Variants in CNTN1 observed in about 807,000 individuals in gnomAD.
The protein encoded by CNTN1 is contactin 1.
In CNTN1, 38 loss-of-function variants were observed where a neutral mutation model predicts 126.4. The observed-to-expected ratio is 0.30, with a 90% CI of 0.23 to 0.39. The LOEUF is 0.39. CNTN1 is among the 10% of genes least tolerant of loss of function. The pLI is 1.00. For synonymous variants in CNTN1, 413 were observed against 422.6 expected, an observed-to-expected ratio of 0.98 and a Z score of 0.28; for missense variants, 1,009 against 1,248.4, an observed-to-expected ratio of 0.81 and a Z score of 2.89.
intron 15 of CNTN1, chr12:40,971,640 C>T: frequency 1.4e-6 from 2 of 1,478,192 alleles, no homozygotes; most frequent in East Asian, 2.5e-5. Context: ...GAGTATGTTT[C>T]CCCTTTTGAA....
intron 1 of CNTN1, among the ~76,000 whole-genome samples, chr12:40,802,879 G>C (rs1229360385): frequency 6.6e-6 from 1 of 151,982 alleles, no homozygotes; most frequent in African/African-American, 2.4e-5. Flanking sequence ...CATGAACTTT[G>C]CTCTTGGCCA....
chr12:40,941,161 AT>A (rs1946252678), intron 12 of CNTN1, among the ~76,000 whole-genome samples: 1 of 152,176 alleles, frequency 6.6e-6, no homozygotes, highest in African/African-American at 2.4e-5. Context: ...GTGTTCTGAT[AT>A]TTTTAAAGCC....
intron 23 of CNTN1, among the ~76,000 whole-genome samples, chr12:41,069,012 A>C (rs762074698): frequency 1.3e-5 from 2 of 152,144 alleles, no homozygotes; most frequent in Non-Finnish European, 2.9e-5. Flanking sequence ...TAATTAATTT[A>C]TTTAAAAAGA....
At chr12:40,703,856 C>T (rs1182067881) in intron 1 of CNTN1, among the ~76,000 whole-genome samples, 1 of 151,876 alleles carries the variant, frequency 6.6e-6, no homozygotes, top group African/African-American at 2.4e-5. Context: ...TGCATTGGGG[C>T]TAGAGATACA....
At chr12:40,971,857 TG>T (rs1947523134) in intron 15 of CNTN1, 8 of 1,113,014 alleles carry the variant, frequency 7.2e-6, no homozygotes, top group Non-Finnish European at 8.8e-6. Flanking sequence ...ACTGATGAAT[TG>T]TATAATACAG....
intron 1 of CNTN1, among the ~76,000 whole-genome samples, chr12:40,720,156 T>C (rs1942160232): frequency 6.6e-6 from 1 of 151,948 alleles, no homozygotes. Flanking sequence ...AAGCCTAATG[T>C]GGCTTTCTTA....
intron 1 of CNTN1, among the ~76,000 whole-genome samples, chr12:40,741,254 C>T (rs1218180529): frequency 6.6e-6 from 1 of 152,122 alleles, no homozygotes; most frequent in Non-Finnish European, 1.5e-5. Context: ...TGTCCTTACA[C>T]TGGTTTATTT....
chr12:41,068,108 G>A (rs779003120), intron 23 of CNTN1, among the ~76,000 whole-genome samples: 1 of 152,184 alleles, frequency 6.6e-6, no homozygotes, highest in Non-Finnish European at 1.5e-5. Flanking sequence ...ACACGGCAGA[G>A]AGGTCAAAAG....
chr12:40,991,197 T>G (rs1948087719), intron 16 of CNTN1, among the ~76,000 whole-genome samples: 1 of 152,156 alleles, frequency 6.6e-6, no homozygotes, highest in Non-Finnish European at 1.5e-5. Context: ...ACATATCCCT[T>G]GGCTTGTGGC....
At chr12:40,749,073 C>G (rs973537087) in intron 1 of CNTN1, among the ~76,000 whole-genome samples, 1 of 152,192 alleles carries the variant, frequency 6.6e-6, no homozygotes, top group African/African-American at 2.4e-5. Flanking sequence ...GAATGATTAA[C>G]CTGGTGTTCT....
intron 1 of CNTN1, among the ~76,000 whole-genome samples, chr12:40,888,094 A>G (rs1245171242): frequency 6.6e-6 from 1 of 151,978 alleles, no homozygotes; most frequent in Non-Finnish European, 1.5e-5. Context: ...CAGTACACCA[A>G]CATGGCACAT....
intron 7 of CNTN1, among the ~76,000 whole-genome samples, chr12:40,930,427 T>C (rs564340114): frequency 1.3e-5 from 2 of 151,992 alleles, no homozygotes; most frequent in Non-Finnish European, 2.9e-5. Context: ...ATTATTTTGG[T>C]ATTTTTAAGG....
chr12:40,846,357 A>G (rs1345976210), intron 1 of CNTN1, among the ~76,000 whole-genome samples: 5 of 152,182 alleles, frequency 3.3e-5, no homozygotes, highest in Admixed American at 6.5e-5. Context: ...AGTCCCAGCT[A>G]TTCGGGAGGC....
At chr12:40,894,675 T>C (rs1592217820) in intron 1 of CNTN1, among the ~76,000 whole-genome samples, 1 of 152,318 alleles carries the variant, frequency 6.6e-6, no homozygotes, top group East Asian at 1.9e-4. Context: ...TAACTTTTTA[T>C]TTAATATTTT....
chr12:40,711,767 A>G (rs1941919544), intron 1 of CNTN1, among the ~76,000 whole-genome samples: 1 of 151,730 alleles, frequency 6.6e-6, no homozygotes, highest in African/African-American at 2.4e-5. Context: ...GCTGGAGTGC[A>G]GTGGTATAAT....
chr12:40,780,762 T>A, intron 1 of CNTN1, among the ~76,000 whole-genome samples: 1 of 149,764 alleles, frequency 6.7e-6, no homozygotes, highest in African/African-American at 2.4e-5. Flanking sequence ...AGGAGGCCTT[T>A]AAGGAGAGGT....
intron 1 of CNTN1, among the ~76,000 whole-genome samples, chr12:40,821,207 C>T (rs1445033858): frequency 6.6e-6 from 1 of 152,046 alleles, no homozygotes; most frequent in Non-Finnish European, 1.5e-5. Context: ...ACTAGAGAAG[C>T]TAAGTAGGAT....
chr12:40,966,002 A>T (rs1054970077), intron 15 of CNTN1, among the ~76,000 whole-genome samples: 3 of 125,526 alleles, frequency 2.4e-5, no homozygotes, highest in African/African-American at 1.0e-4. Context: ...ATCACACCAC[A>T]CACACACACA....
chr12:40,864,351 G>A (rs1431383471), intron 1 of CNTN1, among the ~76,000 whole-genome samples: 3 of 151,656 alleles, frequency 2.0e-5, no homozygotes, highest in East Asian at 3.9e-4. Flanking sequence ...TAACTTTATT[G>A]AGATATTATT....
Sources: gnomAD v4.1 joint callset for allele counts (sites outside exome capture counted in the v4.1 genomes callset) on GRCh38, gnomAD v4.1.1 for gene constraint, MANE v1.5 for transcripts, NCBI Gene and HGNC (gene_info 2026-07-23, HGNC 2026-07-21) for gene names.